Variants in CADM2 observed in about 807,000 individuals in gnomAD.
CADM2 encodes the protein cell adhesion molecule 2, also known as immunoglobulin superfamily member 4D.
CADM2 carries 12 observed loss-of-function variants against 49.8 expected under a neutral mutation model. The observed-to-expected ratio is 0.24, with a 90% CI of 0.15 to 0.39. CADM2 has a LOEUF of 0.39. Among genes scored for constraint, CADM2 ranks in the 10% least tolerant of loss-of-function variants. The pLI, the probability that CADM2 is intolerant of heterozygous loss-of-function variation, is 1.00. For synonymous variants in CADM2, 214 were observed against 175.4 expected, an observed-to-expected ratio of 1.22 and a Z score of -1.74; for missense variants, 378 against 492.3, an observed-to-expected ratio of 0.77 and a Z score of 2.20.
intron 1 of CADM2, among the ~76,000 whole-genome samples, chr3:85,066,670 T>G (rs557863540): frequency 1.3e-5 from 2 of 152,138 alleles, no homozygotes; most frequent in Non-Finnish European, 2.9e-5. Flanking sequence ...CTGTCTACTC[T>G]TTCACCTCAC....
At chr3:86,011,023 G>A (rs117336302) in intron 8 of CADM2, among the ~76,000 whole-genome samples, 1,907 of 151,748 alleles carry the variant, frequency 0.013, 33 homozygotes, top group East Asian at 0.062. Context: ...ACCTTTTATC[G>A]TATATCTACT....
intron 1 of CADM2, among the ~76,000 whole-genome samples, chr3:85,500,235 G>GT: frequency 6.6e-6 from 1 of 151,932 alleles, no homozygotes; most frequent in East Asian, 1.9e-4. Context: ...AAACTTTTTG[G>GT]TTTTTTAGGC....
chr3:84,963,143 A>C (rs1216997095), intron 1 of CADM2, among the ~76,000 whole-genome samples: 3 of 152,150 alleles, frequency 2.0e-5, no homozygotes, highest in Non-Finnish European at 4.4e-5. Context: ...AAATAGCAAA[A>C]TTTCATTTGG....
intron 7 of CADM2, among the ~76,000 whole-genome samples, chr3:85,946,991 C>T (rs1198191315): frequency 1.3e-5 from 2 of 151,952 alleles, no homozygotes; most frequent in African/African-American, 4.8e-5. Flanking sequence ...AAAGAAACTA[C>T]CATCAGAGTG....
At chr3:85,963,020 G>A (rs1185098230) in intron 8 of CADM2, among the ~76,000 whole-genome samples, 1 of 151,816 alleles carries the variant, frequency 6.6e-6, no homozygotes, top group African/African-American at 2.4e-5. Context: ...TAATTTTAGA[G>A]AGAAATTAAT....
intron 1 of CADM2, among the ~76,000 whole-genome samples, chr3:85,354,256 G>A (rs1015172870): frequency 1.8e-4 from 27 of 147,670 alleles, no homozygotes; most frequent in African/African-American, 6.2e-4. Flanking sequence ...TTATTCATAT[G>A]TCGAAATAAA....
rs573816044 is a variant in CADM2, at chr3:85,830,338, C to G, written c.238+28142C>G. ...GGTCTGCTTTGGAAAAATTTCTATT[C>G]AGGTCCTTTGCCCACTGTTTAAGAA... On this transcript the variant is annotated intron_variant, in intron 3 of 9. Transcript: ENST00000383699. Among the ~76,000 whole-genome samples, 145 of 152,072 alleles carry G rather than the reference C, an allele frequency of 9.5e-4. 1 individual carries two copies. The highest frequency in any genetic ancestry group is 3.4e-3 in the Middle Eastern group (1 of 294).
At chr3:85,231,563 C>A (rs1281917061) in intron 1 of CADM2, among the ~76,000 whole-genome samples, 2 of 151,914 alleles carry the variant, frequency 1.3e-5, no homozygotes, top group Non-Finnish European at 2.9e-5. Flanking sequence ...ATAAAGGACA[C>A]TGAGGAAGAA....
chr3:85,353,577 A>G (rs2031563274), intron 1 of CADM2, among the ~76,000 whole-genome samples: 2 of 142,458 alleles, frequency 1.4e-5, no homozygotes, highest in South Asian at 2.2e-4. Context: ...GAGTTATTTT[A>G]TCAAAGTGAA....
At chr3:85,047,542 C>T (rs1172290059) in intron 1 of CADM2, among the ~76,000 whole-genome samples, 1 of 151,998 alleles carries the variant, frequency 6.6e-6, no homozygotes, top group African/African-American at 2.4e-5. Context: ...GAGAAGATCA[C>T]AAAAGGGAGT....
rs74818728 is a variant in CADM2, at chr3:85,439,953, T to C, written c.62-286569T>C. Among the ~76,000 whole-genome samples the C allele has an allele frequency of 2.5e-3, 380 of 152,342 alleles. 6 individuals carry two copies. The highest frequency in any genetic ancestry group is 0.024 in the East Asian group (124 of 5,182). On this transcript the variant is annotated intron_variant, in intron 1 of 9. Transcript: ENST00000383699. ...CATTTTATAAATCAAAGTAGTTATT[T>C]CATTTTAATACATTATTTTTGGATT... is the stretch of plus-strand genomic sequence containing the variant.
intron 1 of CADM2, among the ~76,000 whole-genome samples, chr3:84,996,854 C>T (rs1342220068): frequency 1.3e-5 from 2 of 151,918 alleles, no homozygotes; most frequent in Admixed American, 6.6e-5. Flanking sequence ...TCAGGGATTC[C>T]TTACAAATAA....
chr3:85,439,465 T>G (rs2037092509), intron 1 of CADM2, among the ~76,000 whole-genome samples: 1 of 152,162 alleles, frequency 6.6e-6, no homozygotes, highest in Non-Finnish European at 1.5e-5. Flanking sequence ...TGACTTGATT[T>G]TTGACTGAAA....
At chr3:85,460,901 C>T (rs1439054039) in intron 1 of CADM2, among the ~76,000 whole-genome samples, 2 of 152,010 alleles carry the variant, frequency 1.3e-5, no homozygotes, top group African/African-American at 2.4e-5. Flanking sequence ...TGAAATTGTT[C>T]CTTGTTGCAA....
chr3:85,669,837 T>C (rs2065682600), intron 1 of CADM2, among the ~76,000 whole-genome samples: 1 of 152,158 alleles, frequency 6.6e-6, no homozygotes, highest in South Asian at 2.1e-4. Flanking sequence ...CACTCTTTTT[T>C]ATGTATATTT....
chr3:85,935,176 A>G (rs1030736886), intron 6 of CADM2, among the ~76,000 whole-genome samples: 1 of 152,118 alleles, frequency 6.6e-6, no homozygotes, highest in African/African-American at 2.4e-5. Flanking sequence ...ACATATAACA[A>G]ATGTTAACTT....
intron 8 of CADM2, among the ~76,000 whole-genome samples, chr3:86,006,158 A>G (rs2106861005): frequency 6.6e-6 from 1 of 152,292 alleles, no homozygotes; most frequent in Non-Finnish European, 1.5e-5. Flanking sequence ...TAGCTATTGT[A>G]AACAGTGCTA....
intron 1 of CADM2, among the ~76,000 whole-genome samples, chr3:85,164,527 G>A (rs1359678710): frequency 6.6e-6 from 1 of 152,056 alleles, no homozygotes; most frequent in Non-Finnish European, 1.5e-5. Context: ...GTCACGGGAA[G>A]ACCTGAGTTC....
chr3:86,017,451 G>C (rs936181350), intron 8 of CADM2, among the ~76,000 whole-genome samples: 10 of 151,604 alleles, frequency 6.6e-5, no homozygotes, highest in African/African-American at 2.4e-4. Context: ...GTATTTTTTG[G>C]CTGGTCATGG....
Sources: gnomAD v4.1 joint callset for allele counts (sites outside exome capture counted in the v4.1 genomes callset) on GRCh38, gnomAD v4.1.1 for gene constraint, MANE v1.5 for transcripts, NCBI Gene and HGNC (gene_info 2026-07-23, HGNC 2026-07-21) for gene names.